GRAMD1B: variants seen among roughly 807,000 people sequenced by gnomAD.
GRAMD1B encodes GRAM domain containing 1B.
In GRAMD1B, 37 loss-of-function variants were observed where a neutral mutation model predicts 99.7. The observed-to-expected ratio is 0.37, with a 90% CI of 0.29 to 0.49. The LOEUF (loss-of-function observed/expected upper bound fraction) is 0.49, where lower values mean the gene tolerates loss of function less well. GRAMD1B is among the 20% of genes least tolerant of loss of function. GRAMD1B has a pLI of 0.98. For synonymous variants in GRAMD1B, 427 were observed against 387.6 expected (o/e 1.10, Z -1.19); for missense variants, 888 against 1,009.2 (o/e 0.88, Z 1.63).
At chr11:123,606,537 C>A in intron 10 of GRAMD1B, 72 bp from the exon 11 acceptor site, 1 of 1,359,396 alleles carries the variant, frequency 7.4e-7, no homozygotes, top group Non-Finnish European at 1.0e-6. Context: ...AAGGCTGCAT[C>A]CCTAATCTCC....
intron 2 of GRAMD1B, among the ~76,000 whole-genome samples, chr11:123,526,604 C>T (rs924644813): frequency 1.4e-4 from 22 of 152,136 alleles, no homozygotes; most frequent in African/African-American, 2.2e-4. Flanking sequence ...GGAGGGTGTG[C>T]GGGGGGCCTT....
chr11:123,436,135 G>T (rs537032215), intron 1 of GRAMD1B, among the ~76,000 whole-genome samples: 1 of 151,928 alleles, frequency 6.6e-6, no homozygotes, highest in Non-Finnish European at 1.5e-5. Context: ...TAGAGACAGG[G>T]TTTCACCATG....
At chr11:123,362,770 TA>T (rs1946187441) in intron 1 of GRAMD1B, among the ~76,000 whole-genome samples, 1 of 151,928 alleles carries the variant, frequency 6.6e-6, no homozygotes, top group Admixed American at 6.6e-5. Flanking sequence ...GGGTAGGGGA[TA>T]GGGGGAGAGG....
Position 123,591,570 on chromosome 11 carries a change from C to G in GRAMD1B, c.685-2512C>G, listed in dbSNP as rs751352929. On this transcript the variant is annotated intron_variant, in intron 4 of 19. Coordinates refer to ENST00000635736, the MANE Select transcript of GRAMD1B (RefSeq NM_001387025.1). The surrounding 1 kb of genome is among the most constrained non-coding windows in gnomAD (Gnocchi z 4.7). ...AGTGTGTGACTCAGTTTCTCTGAGTCTCTGTGGTAGTTCTGCACCCTTGTT... is the reference window on the plus strand; with the variant it reads ...AGTGTGTGACTCAGTTTCTCTGAGTGTCTGTGGTAGTTCTGCACCCTTGTT... 1 of 398,606 alleles carries G rather than the reference C, an allele frequency of 2.5e-6. No homozygotes were observed. Among genetic ancestry groups the G allele is most frequent in the Non-Finnish European group, 4.4e-6 (1 of 226,052 alleles). 24.7% of individuals were successfully genotyped at this position (398,606 alleles called of 1,614,324 possible).
chr11:123,526,972 G>A (rs1239293998), intron 2 of GRAMD1B, among the ~76,000 whole-genome samples: 1 of 152,210 alleles, frequency 6.6e-6, no homozygotes, highest in Admixed American at 6.5e-5. Flanking sequence ...GATTTTGCTT[G>A]GAAAACTTTG....
chr11:123,524,317 AT>A (rs869082072), intron 2 of GRAMD1B, among the ~76,000 whole-genome samples: 1 of 81,730 alleles, frequency 1.2e-5, no homozygotes, highest in Non-Finnish European at 2.9e-5. Flanking sequence ...TCCAGTTTTT[AT>A]TTTTATTTTA....
At chr11:123,481,290 A>G (rs938523124) in intron 2 of GRAMD1B, among the ~76,000 whole-genome samples, 8 of 152,088 alleles carry the variant, frequency 5.3e-5, no homozygotes, top group African/African-American at 1.9e-4. Context: ...CCTCATCTCT[A>G]CTGAAACTAC....
intron 15 of GRAMD1B, 122 bp from the exon 16 acceptor site, chr11:123,613,333 C>T (rs950647433): frequency 1.1e-5 from 8 of 696,360 alleles, no homozygotes; most frequent in African/African-American, 1.1e-4. Flanking sequence ...TCATGGGCAT[C>T]CCTGAGGATC....
chr11:123,425,123 C>T (rs1483363770), intron 1 of GRAMD1B, among the ~76,000 whole-genome samples: 1 of 152,202 alleles, frequency 6.6e-6, no homozygotes, highest in Non-Finnish European at 1.5e-5. Flanking sequence ...AGATGAGAAA[C>T]TGAGTTGCAG....
chr11:123,535,910 A>G (rs1664439692), intron 2 of GRAMD1B, among the ~76,000 whole-genome samples: 1 of 152,118 alleles, frequency 6.6e-6, no homozygotes, highest in South Asian at 2.1e-4. Context: ...TCTGGGTTTC[A>G]GAGTCTCCCA....
intron 2 of GRAMD1B, among the ~76,000 whole-genome samples, chr11:123,574,136 G>T (rs1353189941): frequency 6.6e-6 from 1 of 152,006 alleles, no homozygotes; most frequent in Non-Finnish European, 1.5e-5. Context: ...AGAGGGCAAG[G>T]GCTCTTTAGG....
chr11:123,382,562 G>A (rs1946915349), intron 1 of GRAMD1B, among the ~76,000 whole-genome samples: 1 of 152,120 alleles, frequency 6.6e-6, no homozygotes, highest in African/African-American at 2.4e-5. Flanking sequence ...TGCTTGATTT[G>A]CATATAGGAG....
rs150268349 is a variant in GRAMD1B at position 123,405,121 on chromosome 11, G to A, written c.-176+46322G>A. On this transcript the variant is annotated intron_variant, in intron 1 of 20. Coordinates refer to the GRAMD1B transcript ENST00000638157. ...AGAGGGAGAGAATTTGGTAGAAGTT[G>A]GGGGAAGAGATGGTGGAGAAAATTA... Among the ~76,000 whole-genome samples, 850 of 152,196 alleles carry A rather than the reference G, an allele frequency of 5.6e-3. 11 individuals carry two copies. Among genetic ancestry groups the A allele is most frequent in the African/African-American group, 0.02 (820 of 41,522 alleles).
rs1950981565 is a variant in GRAMD1B at position 123,594,148 on chromosome 11, A to G, written c.751A>G (p.Thr251Ala). 6.2e-7 allele frequency: 1 copy of G among 1,612,174 alleles called. No individual in the cohort carries two copies. Among genetic ancestry groups the G allele is most frequent in the African/African-American group, 1.3e-5 (1 of 75,002 alleles). Reference protein sequence around the residue: ...FRKLFKQLPDTERLIVDYSCA... With the variant: ...FRKLFKQLPDAERLIVDYSCA... ...AAAGCTCTTTAAGCAGCTTCCAGACACGGAGCGCCTCATTGTTGGTGAGTT... is the reference window on the plus strand; with the variant it reads ...AAAGCTCTTTAAGCAGCTTCCAGACGCGGAGCGCCTCATTGTTGGTGAGTT... Residue 251 changes from threonine to alanine, a missense_variant, in exon 5 of 20, where the codon ACG becomes GCG. Physicochemically the swap from Thr to Ala is moderately conservative, Grantham distance 58. Transcript: ENST00000635736.
intron 7 of GRAMD1B, chr11:123,598,270 C>A: frequency 7.4e-7 from 1 of 1,353,622 alleles, no homozygotes; most frequent in Non-Finnish European, 1.1e-6. Context: ...CATATACAGC[C>A]AGTAGGGAAT....
At chr11:123,435,416 CT>C (rs760988506) in intron 1 of GRAMD1B, 1 of 701,174 alleles carries the variant, frequency 1.4e-6, no homozygotes, top group Non-Finnish European at 2.6e-6. Flanking sequence ...TGTTTTTTTA[CT>C]TGTCACTGAC....
chr11:123,372,326 T>C (rs1170408534), intron 1 of GRAMD1B, among the ~76,000 whole-genome samples: 1 of 152,250 alleles, frequency 6.6e-6, no homozygotes, highest in Non-Finnish European at 1.5e-5. Context: ...TATATGTTCC[T>C]GGCCATTTAG....
intron 1 of GRAMD1B, among the ~76,000 whole-genome samples, chr11:123,378,408 C>T (rs1043392932): frequency 4.6e-5 from 7 of 152,150 alleles, no homozygotes; most frequent in Non-Finnish European, 1.0e-4. Flanking sequence ...TTCTAACATT[C>T]CTACTAGTTC....
chr11:123,531,499 A>G (rs1943365609), intron 2 of GRAMD1B, among the ~76,000 whole-genome samples: 1 of 152,214 alleles, frequency 6.6e-6, no homozygotes. Context: ...AGATCAGATT[A>G]TGAGTACCTA....
Sources: allele counts gnomAD v4.1 joint callset (sites outside exome capture counted in the v4.1 genomes callset), GRCh38; gene constraint gnomAD v4.1.1; non-coding constraint Gnocchi (gnomAD v3.1); transcripts MANE v1.5; gene names NCBI Gene and HGNC (gene_info 2026-07-23, HGNC 2026-07-21).